Variants in GRID1 observed in about 807,000 individuals in gnomAD.
The protein encoded by GRID1 is glutamate receptor ionotropic, delta-1.
Under a neutral mutation model 98.0 loss-of-function variants are expected in GRID1, and 28 were observed. The ratio of observed to expected loss-of-function variants is 0.29; its 90% confidence interval spans 0.21 to 0.39. GRID1 has a LOEUF of 0.39. Ranked by LOEUF, GRID1 falls within the 10% of genes least tolerant of loss-of-function variation. The pLI is 1.00. For synonymous variants in GRID1, 553 were observed against 538.5 expected (o/e 1.03, Z -0.37); for missense variants, 1,111 against 1,340.5 (o/e 0.83, Z 2.67).
chr10:85,660,295 T>C (rs1210058309), intron 12 of GRID1, among the ~76,000 whole-genome samples: 4 of 152,180 alleles, frequency 2.6e-5, no homozygotes, highest in Non-Finnish European at 5.9e-5. Context: ...ATTCATCCCA[T>C]TGACTTTTTA....
intron 8 of GRID1, among the ~76,000 whole-genome samples, chr10:85,779,580 G>A (rs576341599): frequency 6.6e-6 from 1 of 152,214 alleles, no homozygotes; most frequent in African/African-American, 2.4e-5. Context: ...GGCCCAGGCT[G>A]GGCTTTTCTG....
intron 4 of GRID1, among the ~76,000 whole-genome samples, chr10:86,060,085 G>T (rs764514200): frequency 2.6e-5 from 4 of 152,144 alleles, no homozygotes; most frequent in Admixed American, 6.5e-5. Flanking sequence ...GCCTGGGAAG[G>T]CTTTGAATAA....
intron 4 of GRID1, among the ~76,000 whole-genome samples, chr10:86,006,360 C>G (rs1192182185): frequency 6.6e-6 from 1 of 152,170 alleles, no homozygotes; most frequent in South Asian, 2.1e-4. Context: ...GTGGCTCATG[C>G]CTATAATCCC....
At chr10:86,244,252 G>A (rs970296534) in intron 2 of GRID1, among the ~76,000 whole-genome samples, 11 of 152,152 alleles carry the variant, frequency 7.2e-5, no homozygotes, top group Admixed American at 3.9e-4. Flanking sequence ...CAAGTTGGTG[G>A]GACAGTGGCA....
At chr10:85,911,523 C>A (rs1026543747) in intron 5 of GRID1, among the ~76,000 whole-genome samples, 2 of 152,192 alleles carry the variant, frequency 1.3e-5, no homozygotes, top group Non-Finnish European at 2.9e-5. Flanking sequence ...CCGCTGCTGA[C>A]CCACAGATCA....
At chr10:85,971,631 A>G (rs141044240) in intron 4 of GRID1, among the ~76,000 whole-genome samples, 1 of 152,304 alleles carries the variant, frequency 6.6e-6, no homozygotes, top group African/African-American at 2.4e-5. Context: ...AATGGAAATT[A>G]AAACCACAGT....
Position 85,634,008 on chromosome 10 carries a change from C to T in GRID1, c.2193+13194G>A, listed in dbSNP as rs566205017. On this transcript the variant is annotated intron_variant, in intron 13 of 15. Transcript: ENST00000327946. ...CTAACATGGAGAAACCCTGTCTCTACTAAAAACACAAAATTAGCCAGGCGT... is the reference window on the plus strand; with the variant it reads ...CTAACATGGAGAAACCCTGTCTCTATTAAAAACACAAAATTAGCCAGGCGT... 2.0e-5 allele frequency among the ~76,000 whole-genome samples: 3 copies of T among 152,056 alleles called. No individual in the cohort carries two copies. In the East Asian group the frequency reaches 5.8e-4, roughly 29 times the overall value.
intron 2 of GRID1, among the ~76,000 whole-genome samples, chr10:86,266,135 A>G (rs1727198571): frequency 6.6e-6 from 1 of 152,052 alleles, no homozygotes; most frequent in Non-Finnish European, 1.5e-5. Flanking sequence ...CCTGGCCAAC[A>G]GCACCATTCC....
chr10:85,775,153 A>G (rs1454680992), intron 8 of GRID1, among the ~76,000 whole-genome samples: 3 of 152,222 alleles, frequency 2.0e-5, no homozygotes, highest in African/African-American at 7.2e-5. Flanking sequence ...GCCATAAAAA[A>G]TGATGAGTTC....
chr10:86,360,578 TA>T (rs1389945911), intron 2 of GRID1, among the ~76,000 whole-genome samples: 10 of 152,152 alleles, frequency 6.6e-5, no homozygotes, highest in Non-Finnish European at 1.2e-4. Context: ...TTCACTAGCT[TA>T]AAAAAATAAT....
At chr10:85,807,433 T>G (rs76887598) in intron 8 of GRID1, among the ~76,000 whole-genome samples, 2 of 151,736 alleles carry the variant, frequency 1.3e-5, no homozygotes, top group Non-Finnish European at 2.9e-5. Flanking sequence ...CTTAAAAATA[T>G]GGAGGGAAGA....
chr10:85,712,976 T>A (rs1410834810), intron 12 of GRID1, among the ~76,000 whole-genome samples: 1 of 151,640 alleles, frequency 6.6e-6, no homozygotes, highest in Admixed American at 6.6e-5. Flanking sequence ...AGAAACCTTT[T>A]AAATATTCTA....
At chr10:86,180,999 C>A (rs892870758) in intron 3 of GRID1, among the ~76,000 whole-genome samples, 2 of 152,126 alleles carry the variant, frequency 1.3e-5, no homozygotes, top group Admixed American at 1.3e-4. Context: ...GGATGCTGGC[C>A]ATGAGGACAG....
At chr10:85,999,127 AG>A (rs1842774825) in intron 4 of GRID1, among the ~76,000 whole-genome samples, 1 of 151,824 alleles carries the variant, frequency 6.6e-6, no homozygotes, top group Admixed American at 6.6e-5. Flanking sequence ...CACGAGAATC[AG>A]TTGAACTTGG....
intron 3 of GRID1, among the ~76,000 whole-genome samples, chr10:86,147,816 T>G (rs1845110046): frequency 6.6e-6 from 1 of 152,104 alleles, no homozygotes; most frequent in Non-Finnish European, 1.5e-5. Flanking sequence ...CGACCACATT[T>G]TATATTGGGA....
chr10:85,880,355 T>C (rs1035185467), intron 5 of GRID1, among the ~76,000 whole-genome samples: 3 of 152,284 alleles, frequency 2.0e-5, no homozygotes, highest in African/African-American at 7.2e-5. Context: ...TTGATGAACA[T>C]TGATGCAAAA....
At chr10:85,711,512 TA>T (rs1255678854) in intron 12 of GRID1, among the ~76,000 whole-genome samples, 4 of 151,932 alleles carry the variant, frequency 2.6e-5, no homozygotes, top group African/African-American at 9.7e-5. Flanking sequence ...TACAGATTAT[TA>T]GTTATGCAAG....
At chr10:86,040,888 T>C (rs1843336314) in intron 4 of GRID1, among the ~76,000 whole-genome samples, 1 of 152,192 alleles carries the variant, frequency 6.6e-6, no homozygotes, top group Non-Finnish European at 1.5e-5. Flanking sequence ...TGTGTCAATT[T>C]TTTTTTAAAG....
intron 8 of GRID1, among the ~76,000 whole-genome samples, chr10:85,754,321 G>T (rs1842075623): frequency 6.6e-6 from 1 of 152,236 alleles, no homozygotes. Context: ...GCCAGAAACT[G>T]ACAGGCACAG....
Sources: allele counts gnomAD v4.1 joint callset (sites outside exome capture counted in the v4.1 genomes callset), GRCh38; gene constraint gnomAD v4.1.1; transcripts MANE v1.5; gene names NCBI Gene and HGNC (gene_info 2026-07-23, HGNC 2026-07-21).